MCC: variants seen among roughly 807,000 people sequenced by gnomAD.
MCC encodes the protein colorectal mutant cancer protein.
In MCC, 90 loss-of-function variants were observed where a neutral mutation model predicts 116.2. The ratio of observed to expected loss-of-function variants is 0.77; its 90% confidence interval spans 0.65 to 0.92. The LOEUF (loss-of-function observed/expected upper bound fraction) is 0.92, where lower values mean the gene tolerates loss of function less well. Among genes scored for constraint, MCC ranks in the 40% least tolerant of loss-of-function variants. The probability of loss-of-function intolerance (pLI) is 0.00; values close to 1 mark genes in which losing one functional copy is unlikely to be tolerated. For synonymous variants in MCC, 578 were observed against 510.5 expected (o/e 1.13, Z -1.78); for missense variants, 1,516 against 1,312.2 (o/e 1.16, Z -2.40).
intron 15 of MCC, among the ~76,000 whole-genome samples, chr5:113,051,403 A>G (rs1237782949): frequency 1.3e-5 from 2 of 152,230 alleles, no homozygotes; most frequent in African/African-American, 4.8e-5. Flanking sequence ...CAGGAGTCAT[A>G]ATGAAGGGAT....
chr5:113,200,279 GAAATTATAA>G (rs1762619300), intron 3 of MCC, among the ~76,000 whole-genome samples: 1 of 152,152 alleles, frequency 6.6e-6, no homozygotes, highest in South Asian at 2.1e-4. Flanking sequence ...TCATGAATTT[GAAATTATAA>G]AGGAAAAGTG....
In MCC at chr5:113,448,443, C is replaced by G. The variant is rs149998442; in HGVS notation, c.170+39802G>C. On this transcript the variant is annotated intron_variant, in intron 1 of 18. Transcript: ENST00000408903. ...AATATTAAACTTAAGTAAAGCCAGACGCAAGAATACAGTCTAAATAGCAAA... is the reference window on the plus strand; with the variant it reads ...AATATTAAACTTAAGTAAAGCCAGAGGCAAGAATACAGTCTAAATAGCAAA... 6.1e-3 allele frequency among the ~76,000 whole-genome samples: 932 copies of G among 152,216 alleles called. 6 individuals are homozygous for G. The highest frequency in any genetic ancestry group is 0.02 in the Middle Eastern group (6 of 294).
At chr5:113,192,897 T>C (rs1581231999) in intron 3 of MCC, among the ~76,000 whole-genome samples, 1 of 152,242 alleles carries the variant, frequency 6.6e-6, no homozygotes, top group Non-Finnish European at 1.5e-5. Context: ...CTGTAACAAA[T>C]ACATGAACTT....
At position 113,023,291 on chromosome 5, in the gene MCC, T is replaced by C. The variant is rs1750285397; in HGVS notation, c.*4011A>G. ...GGATAGTGAAGGCGTAACTTTTGTT[T>C]TGTAACCAGTTACGCCTCTTCTGTA... is the stretch of plus-strand genomic sequence containing the variant. On this transcript the variant is annotated 3_prime_UTR_variant, in exon 19 of 19. Transcript: ENST00000408903. 1 of 152,246 alleles carries C rather than the reference T, an allele frequency of 6.6e-6. No homozygotes were observed. Among genetic ancestry groups the C allele is most frequent in the Non-Finnish European group, 1.5e-5 (1 of 68,048 alleles). 9.4% of individuals were successfully genotyped at this position (152,246 alleles called of 1,614,324 possible).
intron 2 of MCC, among the ~76,000 whole-genome samples, chr5:113,374,323 C>G (rs1006792041): frequency 6.6e-6 from 1 of 151,804 alleles, no homozygotes; most frequent in Non-Finnish European, 1.5e-5. Flanking sequence ...TTCCTTGATC[C>G]TGATGGACTC....
chr5:113,342,515 A>G (rs1452455600), intron 2 of MCC, among the ~76,000 whole-genome samples: 2 of 152,260 alleles, frequency 1.3e-5, no homozygotes, highest in Non-Finnish European at 1.5e-5. Flanking sequence ...GCTAATAGTT[A>G]TAATACAAAT....
chr5:113,220,510 T>G (rs573396544), intron 3 of MCC, among the ~76,000 whole-genome samples: 36 of 152,302 alleles, frequency 2.4e-4, no homozygotes, highest in African/African-American at 8.7e-4. Flanking sequence ...TTATTAATGT[T>G]TGTATTTTTT....
intron 1 of MCC, among the ~76,000 whole-genome samples, chr5:113,413,199 C>T (rs537926730): frequency 5.9e-5 from 9 of 151,996 alleles, no homozygotes; most frequent in Middle Eastern, 3.4e-3. Flanking sequence ...ATTTTTGCAT[C>T]GATGTTCATC....
At chr5:113,206,549 T>G (rs1177048055) in intron 3 of MCC, among the ~76,000 whole-genome samples, 5 of 152,040 alleles carry the variant, frequency 3.3e-5, no homozygotes, top group Non-Finnish European at 7.4e-5. Context: ...ACCCTATCTC[T>G]ACTAAAAAAA....
chr5:113,202,803 A>AC (rs1190954818), intron 3 of MCC, among the ~76,000 whole-genome samples: 1 of 151,008 alleles, frequency 6.6e-6, no homozygotes, highest in Non-Finnish European at 1.5e-5. Flanking sequence ...AAAAAAAAAA[A>AC]ACTTTTTCTA....
intron 3 of MCC, among the ~76,000 whole-genome samples, chr5:113,221,424 AGAT>A (rs1271435342): frequency 5.3e-5 from 8 of 152,228 alleles, no homozygotes; most frequent in African/African-American, 1.7e-4. Context: ...TTTGAAACGA[AGAT>A]GATAACAGCC....
chr5:113,271,211 T>C (rs1353811772), intron 3 of MCC, among the ~76,000 whole-genome samples: 1 of 152,186 alleles, frequency 6.6e-6, no homozygotes, highest in Non-Finnish European at 1.5e-5. Flanking sequence ...TGGATTCCTA[T>C]GCGCTTAAGA....
rs528867638 is a variant in MCC, at chr5:113,033,620, T to C, written c.2757-4564A>G. Among the ~76,000 whole-genome samples, 12 of 152,332 alleles carry C rather than the reference T, an allele frequency of 7.9e-5. No homozygotes were observed. In the South Asian group the frequency reaches 2.5e-3, roughly 32 times the overall value. On this transcript the variant is annotated intron_variant, in intron 17 of 18. Coordinates refer to ENST00000408903, the MANE Select transcript of MCC (RefSeq NM_001085377.2). ...AAAGCAAAAATTCAACACTACACGT[T>C]CCATATGCACCTTCAATAGTAATGT...
chr5:113,484,423 G>C (rs921676331), intron 1 of MCC, among the ~76,000 whole-genome samples: 3 of 152,214 alleles, frequency 2.0e-5, no homozygotes, highest in South Asian at 4.1e-4. Flanking sequence ...CTGATTGTGT[G>C]CTACATGGTA....
At chr5:113,065,027 G>T (rs1015486531) in intron 13 of MCC, among the ~76,000 whole-genome samples, 2 of 152,174 alleles carry the variant, frequency 1.3e-5, no homozygotes, top group East Asian at 3.8e-4. Context: ...AGCAATGGTT[G>T]CCAGGGGATG....
intron 2 of MCC, among the ~76,000 whole-genome samples, chr5:113,346,317 G>A (rs1257140686): frequency 2.0e-5 from 3 of 152,152 alleles, no homozygotes; most frequent in Admixed American, 2.0e-4. Context: ...TTGAAAGGAG[G>A]TGGGGCACAG....
chr5:113,166,516 G>A (rs1034786482), intron 3 of MCC, among the ~76,000 whole-genome samples: 9 of 152,042 alleles, frequency 5.9e-5, no homozygotes, highest in African/African-American at 1.9e-4. Flanking sequence ...TTGGAACAGC[G>A]TGGGTGATAA....
intron 1 of MCC, among the ~76,000 whole-genome samples, chr5:113,421,935 G>A (rs1446600437): frequency 6.6e-6 from 1 of 152,198 alleles, no homozygotes. Flanking sequence ...GCTAGTGACA[G>A]TATAAATAAG....
intron 3 of MCC, among the ~76,000 whole-genome samples, chr5:113,239,841 G>C (rs1293949409): frequency 6.6e-6 from 1 of 152,190 alleles, no homozygotes; most frequent in Non-Finnish European, 1.5e-5. Flanking sequence ...GTGGAAGACA[G>C]ATTCCTGGTT....
Sources: gnomAD v4.1 joint callset for allele counts (sites outside exome capture counted in the v4.1 genomes callset) on GRCh38, gnomAD v4.1.1 for gene constraint, MANE v1.5 for transcripts, NCBI Gene and HGNC (gene_info 2026-07-23, HGNC 2026-07-21) for gene names.